Variants in SPNS3 observed in about 807,000 individuals in gnomAD.
SPNS3 encodes SPNS lysolipid transporter 3, sphingosine-1-phosphate (putative), also known as protein spinster homolog 3.
SPNS3 carries 51 observed loss-of-function variants against 54.4 expected under a neutral mutation model. That is an observed-to-expected ratio of 0.94 (90% CI 0.75 to 1.18). SPNS3 has a LOEUF of 1.18. Among genes scored for constraint, SPNS3 ranks in the 50% most tolerant of loss-of-function variants. The pLI is 0.00. For synonymous variants in SPNS3, 309 were observed against 294.7 expected, an observed-to-expected ratio of 1.05 and a Z score of -0.50; for missense variants, 669 against 677.4, an observed-to-expected ratio of 0.99 and a Z score of 0.14.
chr17:4,453,620 G>A (rs902401651), intron 8 of SPNS3, among the ~76,000 whole-genome samples: 3 of 121,888 alleles, frequency 2.5e-5, no homozygotes. Flanking sequence ...TCCATCTTGG[G>A]GGAAAAAAAC....
At chr17:4,451,399 A>C (rs1015067692) in intron 7 of SPNS3, among the ~76,000 whole-genome samples, 7 of 151,088 alleles carry the variant, frequency 4.6e-5, no homozygotes, top group African/African-American at 1.2e-4. Flanking sequence ...CTACAGGCGC[A>C]CACCACCACG....
At chr17:4,454,833 C>T (rs1971261908) in intron 8 of SPNS3, among the ~76,000 whole-genome samples, 2 of 151,678 alleles carry the variant, frequency 1.3e-5, no homozygotes, top group South Asian at 2.1e-4. Context: ...CTATGTTGGC[C>T]AGGCTGGTCT....
At chr17:4,457,755 C>T (rs906552971) in intron 8 of SPNS3, among the ~76,000 whole-genome samples, 1 of 152,188 alleles carries the variant, frequency 6.6e-6, no homozygotes, top group Non-Finnish European at 1.5e-5. Flanking sequence ...CCCCTCACCC[C>T]CTGCACCCTG....
intron 8 of SPNS3, among the ~76,000 whole-genome samples, chr17:4,454,921 C>T (rs934987157): frequency 4.5e-5 from 1 of 22,424 alleles, no homozygotes; most frequent in East Asian, 2.4e-4. Flanking sequence ...CTGCACCCAG[C>T]CTTTTTTTTT....
chr17:4,439,845 TG>T, intron 2 of SPNS3, 122 bp downstream of exon 2: 5 of 859,418 alleles, frequency 5.8e-6, no homozygotes, highest in Non-Finnish European at 9.2e-6. Context: ...AGAGGGTGGG[TG>T]GGGTATGGGC....
At chr17:4,485,629 C>T (rs542664561) in intron 9 of SPNS3, among the ~76,000 whole-genome samples, 1 of 152,272 alleles carries the variant, frequency 6.6e-6, no homozygotes, top group Non-Finnish European at 1.5e-5. Flanking sequence ...CTCCTGACCT[C>T]GGGTGATCCA....
At chr17:4,456,802 C>T (rs1164999948) in intron 8 of SPNS3, among the ~76,000 whole-genome samples, 1 of 152,072 alleles carries the variant, frequency 6.6e-6, no homozygotes, top group Non-Finnish European at 1.5e-5. Flanking sequence ...GCAACCTCTG[C>T]CTCCCAGGTT....
In SPNS3 at chr17:4,448,235, A is replaced by C; in HGVS notation, c.702A>C (p.Thr234=). 1.9e-6 allele frequency: 3 copies of C among 1,602,070 alleles called. No homozygotes were observed. Among genetic ancestry groups the C allele is most frequent in the South Asian group, 1.1e-5 (1 of 88,962 alleles). ...VPDPPRGAAE[T]QGEGAVGGFR... ...ACCCACCCCGGGGAGCTGCCGAGACACAGGGGGAGGGGGCCGTGGGAGGCT... is the reference window on the plus strand; with the variant it reads ...ACCCACCCCGGGGAGCTGCCGAGACCCAGGGGGAGGGGGCCGTGGGAGGCT... The change falls in exon 6 of 12, where the codon ACA becomes ACC. Residue 234 remains threonine (T), a synonymous_variant. Transcript: ENST00000355530.
chr17:4,479,713 C>T (rs560271218), intron 9 of SPNS3, among the ~76,000 whole-genome samples: 4 of 152,354 alleles, frequency 2.6e-5, no homozygotes, highest in East Asian at 1.9e-4. Context: ...TTCAATGCCG[C>T]GGCACCAGCC....
At chr17:4,473,299 C>G (rs1362664978) in intron 8 of SPNS3, among the ~76,000 whole-genome samples, 2 of 151,944 alleles carry the variant, frequency 1.3e-5, no homozygotes, top group Non-Finnish European at 2.9e-5. Flanking sequence ...CCCTCCTTGC[C>G]CAAGGAGAGA....
intron 8 of SPNS3, among the ~76,000 whole-genome samples, chr17:4,467,310 A>ATGC (rs1971705167): frequency 1.3e-5 from 2 of 151,174 alleles, no homozygotes; most frequent in African/African-American, 2.4e-5. Flanking sequence ...TACTGCTGCA[A>ATGC]AAAAAAAATC....
intron 8 of SPNS3, 33 bp downstream of exon 8, chr17:4,453,238 G>C (rs1414988471): frequency 1.9e-6 from 3 of 1,579,776 alleles, no homozygotes; most frequent in African/African-American, 2.7e-5. Flanking sequence ...GTGGGGACAG[G>C]GTTGGGGGGC....
At chr17:4,487,670 G>A (rs1006805790) in intron 11 of SPNS3, 136 bp from the exon 12 acceptor site, 38 of 794,876 alleles carry the variant, frequency 4.8e-5, no homozygotes, top group Non-Finnish European at 7.7e-5. Flanking sequence ...TGAAGGTGAT[G>A]ACAAGGGGTT....
At chr17:4,448,045 T>C (rs1971044392) in intron 5 of SPNS3, 110 bp from the exon 6 acceptor site, 2 of 1,123,846 alleles carry the variant, frequency 1.8e-6, no homozygotes, top group Admixed American at 7.3e-5. Context: ...CCCCCAGGGC[T>C]TGGAAACCAG....
chr17:4,445,847 A>AG (rs1299074831), intron 3 of SPNS3, among the ~76,000 whole-genome samples: 1 of 151,982 alleles, frequency 6.6e-6, no homozygotes, highest in Non-Finnish European at 1.5e-5. Flanking sequence ...TCCCCTGGGC[A>AG]GGGGGGCAGG....
At chr17:4,472,414 G>T (rs1024913041) in intron 8 of SPNS3, among the ~76,000 whole-genome samples, 1 of 152,128 alleles carries the variant, frequency 6.6e-6, no homozygotes, top group Non-Finnish European at 1.5e-5. Context: ...TTCTGTTGCC[G>T]GAGGGAAATG....
At chr17:4,436,182 C>T (rs1970714966) in intron 1 of SPNS3, among the ~76,000 whole-genome samples, 2 of 152,160 alleles carry the variant, frequency 1.3e-5, no homozygotes, top group South Asian at 4.1e-4. Flanking sequence ...GGGGGAGGCA[C>T]AGGCCGGGCT....
intron 9 of SPNS3, among the ~76,000 whole-genome samples, chr17:4,485,418 A>T: frequency 6.9e-6 from 1 of 145,022 alleles, no homozygotes; most frequent in Non-Finnish European, 1.5e-5. Flanking sequence ...TTTTTTTGAG[A>T]TGGGATTTTG....
chr17:4,472,089 C>T (rs536001411), intron 8 of SPNS3, among the ~76,000 whole-genome samples: 13 of 151,638 alleles, frequency 8.6e-5, no homozygotes, highest in Non-Finnish European at 5.9e-5. Flanking sequence ...GAACTCCTGA[C>T]CTCAAGTGAT....
Sources: allele counts gnomAD v4.1 joint callset (sites outside exome capture counted in the v4.1 genomes callset), GRCh38; gene constraint gnomAD v4.1.1; transcripts MANE v1.5; gene names NCBI Gene and HGNC (gene_info 2026-07-23, HGNC 2026-07-21).